The following SOX5 variants were observed in gnomAD, a reference collection of about 807,000 sequenced individuals.
SOX5 encodes SRY-box transcription factor 5.
A neutral mutation model predicts 92.0 loss-of-function variants in SOX5; 9 were observed. The ratio of observed to expected loss-of-function variants is 0.10; its 90% CI spans 0.06 to 0.17. The LOEUF (loss-of-function observed/expected upper bound fraction) is 0.17, where lower values mean the gene tolerates loss of function less well. Ranked by LOEUF, SOX5 falls within the 10% of genes least tolerant of loss-of-function variation. SOX5 has a pLI of 1.00. For synonymous variants in SOX5, 344 were observed against 336.3 expected, an observed-to-expected ratio of 1.02 and a Z score of -0.25; for missense variants, 642 against 944.5, an observed-to-expected ratio of 0.68 and a Z score of 4.20.
intron 3 of SOX5, among the ~76,000 whole-genome samples, chr12:23,770,057 T>G (rs1364128378): frequency 6.6e-6 from 1 of 151,162 alleles, no homozygotes; most frequent in African/African-American, 2.4e-5. Context: ...TGTTTTTTTT[T>G]TTTTTTTTTG....
intron 6 of SOX5, among the ~76,000 whole-genome samples, chr12:23,695,894 T>C (rs1292259178): frequency 1.5e-5 from 2 of 129,462 alleles, no homozygotes; most frequent in East Asian, 2.4e-4. Flanking sequence ...TGAGCCGAGA[T>C]TGCGCCACTG....
chr12:24,509,163 T>G (rs1056909544), intron 1 of SOX5, among the ~76,000 whole-genome samples: 16 of 152,244 alleles, frequency 1.1e-4, no homozygotes, highest in Admixed American at 8.5e-4. Context: ...TATTCTTTCC[T>G]TATTTTTAAA....
intron 1 of SOX5, among the ~76,000 whole-genome samples, chr12:24,376,381 G>A (rs1596061089): frequency 6.6e-6 from 1 of 152,130 alleles, no homozygotes; most frequent in South Asian, 2.1e-4. Context: ...GAAAGAGCTG[G>A]TTGACACAAC....
At chr12:24,469,620 C>T (rs7294996) in intron 1 of SOX5, among the ~76,000 whole-genome samples, 28,575 of 151,952 alleles carry the variant, frequency 0.19, 2,817 homozygotes, top group Middle Eastern at 0.25. Flanking sequence ...AACGTTAAAA[C>T]AAAACAAAAA....
intron 1 of SOX5, among the ~76,000 whole-genome samples, chr12:24,458,709 C>T (rs1405468325): frequency 2.0e-5 from 3 of 152,156 alleles, no homozygotes; most frequent in Non-Finnish European, 4.4e-5. Context: ...ATCTCAGACC[C>T]CACCCTAGGC....
chr12:24,453,866 C>G (rs1424869035), intron 1 of SOX5, among the ~76,000 whole-genome samples: 1 of 152,198 alleles, frequency 6.6e-6, no homozygotes, highest in Non-Finnish European at 1.5e-5. Context: ...CCATCAGCGT[C>G]TACATCTCTC....
intron 4 of SOX5, among the ~76,000 whole-genome samples, chr12:24,018,146 A>C (rs1046014688): frequency 2.0e-5 from 3 of 148,754 alleles, no homozygotes; most frequent in Non-Finnish European, 4.4e-5. Context: ...GCTTTCCCAG[A>C]GATTCTTCTT....
At chr12:23,904,229 T>G (rs895967229) in intron 1 of SOX5, among the ~76,000 whole-genome samples, 2 of 152,128 alleles carry the variant, frequency 1.3e-5, no homozygotes, top group African/African-American at 4.8e-5. Flanking sequence ...TTTCAAACTT[T>G]TATACCATTT....
At chr12:24,441,096 C>A (rs1940490606) in intron 1 of SOX5, among the ~76,000 whole-genome samples, 1 of 152,176 alleles carries the variant, frequency 6.6e-6, no homozygotes, top group Non-Finnish European at 1.5e-5. Context: ...ATTGAACACC[C>A]AGGATTTGTT....
At chr12:24,202,758 A>T (rs1044147806) in intron 4 of SOX5, among the ~76,000 whole-genome samples, 8 of 152,160 alleles carry the variant, frequency 5.3e-5, no homozygotes, top group African/African-American at 1.9e-4. Flanking sequence ...CAAGAACATG[A>T]CAGAAATTAC....
intron 1 of SOX5, among the ~76,000 whole-genome samples, chr12:24,408,072 G>A (rs1173967218): frequency 6.6e-6 from 1 of 152,116 alleles, no homozygotes; most frequent in Non-Finnish European, 1.5e-5. Flanking sequence ...AGAAAGGAAT[G>A]TTCCAGACGA....
chr12:23,991,942 T>C (rs1950596169), intron 4 of SOX5, among the ~76,000 whole-genome samples: 1 of 152,146 alleles, frequency 6.6e-6, no homozygotes. Context: ...TCTTTAGCTC[T>C]GAAAAGAAAG....
At position 23,802,298 on chromosome 12, in the gene SOX5, T is replaced by C. The variant is rs1334045072; in HGVS notation, c.481+43685A>G. Among the ~76,000 whole-genome samples the C allele has an allele frequency of 3.3e-5, 5 of 152,058 alleles. No individual in the cohort carries two copies. The South Asian group carries it at 1.0e-3, about 32-fold the overall frequency. On this transcript the variant is annotated intron_variant, in intron 3 of 14. Transcript: ENST00000451604. ...GGTTTCACCTTGTTAGCCAGGATGG[T>C]CTCGATCTCCTGACCTCGTGATCAG...
chr12:24,485,668 T>C (rs1946444883), intron 1 of SOX5, among the ~76,000 whole-genome samples: 1 of 152,194 alleles, frequency 6.6e-6, no homozygotes, highest in South Asian at 2.1e-4. Context: ...CTAATAGTTA[T>C]CAATAATTGG....
At chr12:23,885,341 C>A (rs908576156) in intron 2 of SOX5, among the ~76,000 whole-genome samples, 2 of 152,136 alleles carry the variant, frequency 1.3e-5, no homozygotes, top group African/African-American at 2.4e-5. Flanking sequence ...TGGAGCTATA[C>A]CCCTATCATC....
At chr12:24,248,856 T>G (rs1231617616) in intron 3 of SOX5, among the ~76,000 whole-genome samples, 1 of 152,160 alleles carries the variant, frequency 6.6e-6, no homozygotes, top group African/African-American at 2.4e-5. Flanking sequence ...TCTAGGTGAG[T>G]GTTGTAATAA....
At chr12:24,132,810 T>A (rs1949772631) in intron 4 of SOX5, among the ~76,000 whole-genome samples, 1 of 151,916 alleles carries the variant, frequency 6.6e-6, no homozygotes, top group Admixed American at 6.6e-5. Flanking sequence ...AAAAACAGGA[T>A]AAAACACATT....
intron 4 of SOX5, among the ~76,000 whole-genome samples, chr12:24,079,839 C>T (rs1424453416): frequency 6.6e-6 from 1 of 151,836 alleles, no homozygotes; most frequent in Non-Finnish European, 1.5e-5. Context: ...TTTGTAGTTA[C>T]AGTCGAGAGC....
At position 23,546,375 on chromosome 12, in the gene SOX5, T is replaced by A; in HGVS notation, c.1538A>T (p.Asn513Ile). The A allele has an allele frequency of 6.2e-7, 1 of 1,611,386 alleles. No individual in the cohort carries two copies. Among genetic ancestry groups the A allele is most frequent in the East Asian group, 2.2e-5 (1 of 44,856 alleles). Residue 513 changes from asparagine (N) to isoleucine (I), a missense_variant, in exon 12 of 15, where the codon AAT (asparagine) becomes ATT (isoleucine). Transcript: ENST00000451604. ...TGCATGGCTAAATTTTCCTTCTTCATTCTGTTTAACTGCCAGTTGCTGAGT... is the reference window on the plus strand; with the variant it reads ...TGCATGGCTAAATTTTCCTTCTTCAATCTGTTTAACTGCCAGTTGCTGAGT... Reference protein sequence around the residue: ...SLTQQLAVKQNEEGKFSHAMM... With the variant: ...SLTQQLAVKQIEEGKFSHAMM...
Sources: gnomAD v4.1 joint callset for allele counts (sites outside exome capture counted in the v4.1 genomes callset) on GRCh38, gnomAD v4.1.1 for gene constraint, MANE v1.5 for transcripts, NCBI Gene and HGNC (gene_info 2026-07-23, HGNC 2026-07-21) for gene names.